ANGPT1: variants seen among roughly 807,000 people sequenced by gnomAD.
ANGPT1 encodes the protein angiopoietin-1.
A neutral mutation model predicts 62.2 loss-of-function variants in ANGPT1; 17 were observed. The observed-to-expected ratio is 0.27, with a 90% confidence interval of 0.19 to 0.41. ANGPT1 has a LOEUF of 0.41. Among genes scored for constraint, ANGPT1 ranks in the 10% least tolerant of loss-of-function variants. The pLI, the probability that ANGPT1 is intolerant of heterozygous loss-of-function variation, is 1.00. For missense variants in ANGPT1, 478 were observed against 594.9 expected (o/e 0.80, Z 2.04); for synonymous variants, 199 against 198.9 (o/e 1.00, Z 0.00).
chr8:107,361,395 G>T (rs1283655), intron 1 of ANGPT1, among the ~76,000 whole-genome samples: 54,375 of 148,516 alleles, frequency 0.37, 10,926 homozygotes, highest in Non-Finnish European at 0.45. Flanking sequence ...AAAATTTGCA[G>T]ATATATATAT....
At chr8:107,283,369 A>G (rs1814062392) in intron 7 of ANGPT1, among the ~76,000 whole-genome samples, 2 of 152,246 alleles carry the variant, frequency 1.3e-5, no homozygotes, top group Middle Eastern at 3.4e-3. Context: ...TGAGACTATC[A>G]ACTCTTTTAG....
At chr8:107,419,003 A>C (rs563652222) in intron 1 of ANGPT1, among the ~76,000 whole-genome samples, 80 of 152,356 alleles carry the variant, frequency 5.3e-4, no homozygotes, top group African/African-American at 1.9e-3. Context: ...AAGTTAAACC[A>C]GTATCCTAAA....
rs1287572124 is a variant in ANGPT1, at chr8:107,414,658, C to G, written c.298-67561G>C. Among the ~76,000 whole-genome samples the G allele has an allele frequency of 2.0e-5, 3 of 152,290 alleles. No individual in the cohort carries two copies. In the East Asian group the frequency reaches 5.8e-4, roughly 29 times the overall value. On this transcript the variant is annotated intron_variant, in intron 1 of 8. Coordinates refer to ENST00000517746, the MANE Select transcript of ANGPT1 (RefSeq NM_001146.5). ...AACCAGTAACCTCATCCAAACCAGG[C>G]AACTTGTTAAGATTGTCTGAACTAA...
intron 4 of ANGPT1, among the ~76,000 whole-genome samples, chr8:107,305,837 T>A (rs1380827089): frequency 1.3e-5 from 2 of 152,084 alleles, no homozygotes; most frequent in East Asian, 3.9e-4. Flanking sequence ...CTAGCAAGCA[T>A]ATGCCTGAAA....
chr8:107,256,525 T>C (rs1474110316), intron 8 of ANGPT1, among the ~76,000 whole-genome samples: 1 of 152,232 alleles, frequency 6.6e-6, no homozygotes, highest in Non-Finnish European at 1.5e-5. Context: ...AGATACTCAG[T>C]ACATATGGTA....
chr8:107,417,845 T>C (rs1810792926), intron 1 of ANGPT1, among the ~76,000 whole-genome samples: 2 of 152,206 alleles, frequency 1.3e-5, no homozygotes, highest in South Asian at 4.1e-4. Flanking sequence ...ATTTGCAACA[T>C]TGAACAACAT....
intron 1 of ANGPT1, among the ~76,000 whole-genome samples, chr8:107,415,331 G>T (rs764660928): frequency 3.9e-5 from 6 of 152,038 alleles, no homozygotes; most frequent in Non-Finnish European, 7.4e-5. Flanking sequence ...CATTATCTAG[G>T]CTTGTATTTT....
chr8:107,271,529 C>T (rs1407690638), intron 7 of ANGPT1, among the ~76,000 whole-genome samples: 1 of 151,902 alleles, frequency 6.6e-6, no homozygotes, highest in Non-Finnish European at 1.5e-5. Context: ...CATAGAGATA[C>T]AGCTCATGAG....
chr8:107,300,947 TC>T (rs146628952), intron 5 of ANGPT1, among the ~76,000 whole-genome samples: 6,922 of 151,924 alleles, frequency 0.046, 419 homozygotes, highest in African/African-American at 0.14. Context: ...GCAAACCTAT[TC>T]AGGATTATGA....
chr8:107,271,014 C>T (rs73309773), intron 7 of ANGPT1, among the ~76,000 whole-genome samples: 53 of 151,926 alleles, frequency 3.5e-4, no homozygotes, highest in Middle Eastern at 3.4e-3. Flanking sequence ...AAAATAAGTA[C>T]GAATGAAAGA....
At chr8:107,447,286 C>A (rs1443626324) in intron 1 of ANGPT1, among the ~76,000 whole-genome samples, 1 of 152,194 alleles carries the variant, frequency 6.6e-6, no homozygotes, top group Non-Finnish European at 1.5e-5. Flanking sequence ...AAGGGCTCCC[C>A]ATTCCACTCA....
intron 7 of ANGPT1, among the ~76,000 whole-genome samples, chr8:107,271,652 C>CA (rs1334661545): frequency 1.3e-5 from 2 of 152,076 alleles, no homozygotes; most frequent in East Asian, 1.9e-4. Context: ...ATAGAGGAAG[C>CA]AGAGTACTAA....
chr8:107,341,578 C>G (rs1815696759), intron 2 of ANGPT1, among the ~76,000 whole-genome samples: 1 of 147,688 alleles, frequency 6.8e-6, no homozygotes, highest in Non-Finnish European at 1.5e-5. Flanking sequence ...ACATAATATT[C>G]TCTATTTATT....
intron 3 of ANGPT1, among the ~76,000 whole-genome samples, chr8:107,325,538 C>T (rs1033421669): frequency 5.9e-5 from 9 of 152,104 alleles, no homozygotes; most frequent in African/African-American, 1.9e-4. Flanking sequence ...ATAAGATGGG[C>T]ACTGGCCTTT....
rs1450366296 is a variant in ANGPT1 at position 107,249,784 on chromosome 8, T to C, written c.*2071A>G. ...TGCTTTCTTTTTTTATTATTTTATTTTGTTTTTGTAATATGAGTTTGGAAA... is the reference window on the plus strand; with the variant it reads ...TGCTTTCTTTTTTTATTATTTTATTCTGTTTTTGTAATATGAGTTTGGAAA... On this transcript the variant is annotated 3_prime_UTR_variant, in exon 9 of 9. Transcript: ENST00000517746. The C allele has an allele frequency of 1.3e-5, 2 of 152,266 alleles. No homozygotes were observed. Among genetic ancestry groups the C allele is most frequent in the African/African-American group, 4.8e-5 (2 of 41,470 alleles). 9.4% of individuals were successfully genotyped at this position (152,266 alleles called of 1,614,324 possible).
At chr8:107,348,217 C>A (rs867954032) in intron 1 of ANGPT1, among the ~76,000 whole-genome samples, 1 of 152,110 alleles carries the variant, frequency 6.6e-6, no homozygotes, top group African/African-American at 2.4e-5. Context: ...CTTCACAAGC[C>A]GGGTTCCAAA....
intron 1 of ANGPT1, among the ~76,000 whole-genome samples, chr8:107,431,520 G>A (rs1046586532): frequency 1.3e-5 from 2 of 152,078 alleles, no homozygotes; most frequent in African/African-American, 2.4e-5. Flanking sequence ...GCCAGGTCCC[G>A]GAGCCTTGCA....
intron 1 of ANGPT1, among the ~76,000 whole-genome samples, chr8:107,457,462 GTTAAC>G (rs1811948440): frequency 6.6e-6 from 1 of 151,978 alleles, no homozygotes; most frequent in South Asian, 2.1e-4. Context: ...AAGATTATCA[GTTAAC>G]TTAGCTTTCC....
rs1009397023 is a variant in ANGPT1 at position 107,346,930 on chromosome 8, C to T, written c.453+12G>A. The T allele has an allele frequency of 5.0e-6, 8 of 1,604,314 alleles. No individual in the cohort carries two copies. The highest frequency in any genetic ancestry group is 2.7e-5 in the African/African-American group (2 of 74,428). On this transcript the variant is annotated intron_variant, in intron 2 of 8. Transcript: ENST00000517746. The stretch of plus-strand genomic sequence containing the variant: ...CCTTGTTGAGTCTGTGGACTCTGGC[C>T]CTGGGGTGTACCTGGGTCTCAACAT...
Sources: gnomAD v4.1 joint callset for allele counts (sites outside exome capture counted in the v4.1 genomes callset) on GRCh38, gnomAD v4.1.1 for gene constraint, MANE v1.5 for transcripts, NCBI Gene and HGNC (gene_info 2026-07-23, HGNC 2026-07-21) for gene names.